RNF13: variants seen among roughly 807,000 people sequenced by gnomAD.
RNF13 encodes ring finger protein 13.
In RNF13, 19 loss-of-function variants were observed where a neutral mutation model predicts 37.7. The ratio of observed to expected loss-of-function variants is 0.50; its 90% CI spans 0.35 to 0.74. The LOEUF is 0.74. Ranked by LOEUF, RNF13 falls within the 30% of genes least tolerant of loss-of-function variation. The pLI is 0.01. For missense variants in RNF13, 375 were observed against 453.0 expected (o/e 0.83, Z 1.56); for synonymous variants, 144 against 157.8 (o/e 0.91, Z 0.65).
chr3:149,881,790 T>C (rs1713441394), intron 4 of RNF13, among the ~76,000 whole-genome samples: 1 of 152,218 alleles, frequency 6.6e-6, no homozygotes, highest in African/African-American at 2.4e-5. Flanking sequence ...AGCTTACCTC[T>C]AAGCTTAACA....
At chr3:149,902,012 A>AAGTT (rs201293440) in intron 5 of RNF13, 60 bp from the exon 6 acceptor site, 19,090 of 701,146 alleles carry the variant, frequency 0.027, 337 homozygotes, top group South Asian at 0.033. Flanking sequence ...ATTATGAAGA[A>AAGTT]AAGTTGATTA....
intron 7 of RNF13, among the ~76,000 whole-genome samples, 200 bp downstream of exon 7, chr3:149,912,283 TAG>T (rs1717074181): frequency 6.6e-6 from 1 of 152,086 alleles, no homozygotes; most frequent in African/African-American, 2.4e-5. Context: ...CGCGGGGGGT[TAG>T]AGAGAAGTGA....
rs79578027 is a variant in RNF13, at chr3:149,901,386, C to T, written c.410-686C>T. ...AACATTAAGAGGATTGTTTTTCTTT[C>T]TATTCCTGAGTAATGGGTAATTTTG... On this transcript the variant is annotated intron_variant, in intron 5 of 9. Coordinates refer to ENST00000392894, the MANE Select transcript of RNF13 (RefSeq NM_183381.3). 5.8e-3 allele frequency among the ~76,000 whole-genome samples: 878 copies of T among 152,230 alleles called. 3 individuals are homozygous for T. Among genetic ancestry groups the T allele is most frequent in the Non-Finnish European group, 0.01 (684 of 68,002 alleles).
intron 8 of RNF13, among the ~76,000 whole-genome samples, chr3:149,936,301 T>C (rs1444010114): frequency 2.6e-5 from 4 of 152,122 alleles, no homozygotes; most frequent in African/African-American, 7.2e-5. Context: ...TTTTCTGTTA[T>C]TATTTCTTTG....
intron 3 of RNF13, among the ~76,000 whole-genome samples, chr3:149,867,514 C>T (rs1425532568): frequency 1.3e-5 from 2 of 150,482 alleles, no homozygotes; most frequent in Non-Finnish European, 1.5e-5. Flanking sequence ...ATCCACCTGC[C>T]TCGGCCTCCC....
chr3:149,840,238 G>A (rs545579241), intron 1 of RNF13, among the ~76,000 whole-genome samples: 1 of 152,254 alleles, frequency 6.6e-6, no homozygotes, highest in African/African-American at 2.4e-5. Flanking sequence ...CAAATGGTAG[G>A]CCAAATTAGA....
chr3:149,960,209 A>G (rs1722251866), intron 9 of RNF13, 73 bp downstream of exon 9: 1 of 1,058,018 alleles, frequency 9.5e-7, no homozygotes, highest in Non-Finnish European at 1.5e-6. Flanking sequence ...CCAGGGGAAG[A>G]GATGGAAAAT....
At chr3:149,862,424 G>A (rs1724353395) in intron 3 of RNF13, among the ~76,000 whole-genome samples, 1 of 151,870 alleles carries the variant, frequency 6.6e-6, no homozygotes. Flanking sequence ...GCTCCTTATA[G>A]ATGATCATTA....
chr3:149,895,561 G>A lies in RNF13; in HGVS notation c.409+1G>A, dbSNP rs1715168123. ...CTCATTAGCATGGGATCCAACGACA[G>A]TAAGTACAGGTATCACTTTTCTTCT... On this transcript the variant is annotated splice_donor_variant, in intron 5 of 9. Coordinates refer to ENST00000392894, the MANE Select transcript of RNF13 (RefSeq NM_183381.3). LOFTEE classifies it high-confidence loss of function. The A allele has an allele frequency of 1.3e-6, 2 of 1,549,016 alleles. No individual in the cohort carries two copies. Among genetic ancestry groups the A allele is most frequent in the South Asian group, 2.3e-5 (2 of 86,900 alleles).
rs376412763 is a variant in RNF13 at position 149,957,635 on chromosome 3, A to C, written c.701-2421A>C. On this transcript the variant is annotated intron_variant, in intron 8 of 9. Coordinates refer to ENST00000392894, the MANE Select transcript of RNF13 (RefSeq NM_183381.3). Reference sequence around the variant, plus strand: ...ATAGCCTCCTAGCCAGTCTTCTACCATGTGATAAGTAAGTATGCCTATCGG... The same window carrying C: ...ATAGCCTCCTAGCCAGTCTTCTACCCTGTGATAAGTAAGTATGCCTATCGG... Among the ~76,000 whole-genome samples, 4 of 152,214 alleles carry C rather than the reference A, an allele frequency of 2.6e-5. No individual in the cohort carries two copies. In the East Asian group the frequency reaches 5.8e-4, roughly 22 times the overall value.
chr3:149,853,485 A>AGAGAGC (rs1343827082), intron 3 of RNF13, among the ~76,000 whole-genome samples: 1 of 151,552 alleles, frequency 6.6e-6, no homozygotes, highest in African/African-American at 2.4e-5. Context: ...AGAGAGAGAG[A>AGAGAGC]GAGAGAGAGA....
chr3:149,858,887 T>C (rs1723930880), intron 3 of RNF13, among the ~76,000 whole-genome samples: 2 of 152,212 alleles, frequency 1.3e-5, no homozygotes, highest in African/African-American at 2.4e-5. Context: ...AAAATTCTTA[T>C]TACAGGAAAT....
intron 1 of RNF13, among the ~76,000 whole-genome samples, chr3:149,820,216 CT>C (rs796739963): frequency 1.7e-4 from 25 of 147,084 alleles, no homozygotes; most frequent in South Asian, 2.2e-4. Context: ...TTCTTTCTTT[CT>C]TTTTTTTTTG....
chr3:149,916,750 C>G (rs1462127442), intron 7 of RNF13, among the ~76,000 whole-genome samples: 1 of 152,032 alleles, frequency 6.6e-6, no homozygotes, highest in Non-Finnish European at 1.5e-5. Flanking sequence ...TAACCTTATA[C>G]AGATAAAAAA....
intron 2 of RNF13, 24 bp downstream of exon 2, chr3:149,846,164 T>C (rs778919139): frequency 1.4e-6 from 2 of 1,435,768 alleles, no homozygotes; most frequent in South Asian, 1.2e-5. Context: ...AATTTATTCA[T>C]GTCTAGAAAC....
At chr3:149,888,199 G>A (rs1159247707) in intron 4 of RNF13, among the ~76,000 whole-genome samples, 2 of 152,210 alleles carry the variant, frequency 1.3e-5, no homozygotes, top group East Asian at 3.9e-4. Context: ...ACTTGTCACT[G>A]AAATTTTCCT....
At chr3:149,914,214 T>G (rs1240095160) in intron 7 of RNF13, among the ~76,000 whole-genome samples, 2 of 152,140 alleles carry the variant, frequency 1.3e-5, no homozygotes, top group Non-Finnish European at 2.9e-5. Flanking sequence ...ACTTCTTGAC[T>G]ACTATCTTGT....
At chr3:149,882,724 A>G (rs1422337872) in intron 4 of RNF13, among the ~76,000 whole-genome samples, 2 of 152,218 alleles carry the variant, frequency 1.3e-5, no homozygotes, top group South Asian at 2.1e-4. Context: ...ATTTGAGACC[A>G]TGATGAAATT....
intron 6 of RNF13, among the ~76,000 whole-genome samples, chr3:149,904,901 G>C (rs559620462): frequency 1.2e-4 from 19 of 152,168 alleles, no homozygotes; most frequent in Admixed American, 7.8e-4. Context: ...CTTTTGACTT[G>C]ATTGTTTATC....
Sources: gnomAD v4.1 joint callset for allele counts (sites outside exome capture counted in the v4.1 genomes callset) on GRCh38, gnomAD v4.1.1 for gene constraint, MANE v1.5 for transcripts, NCBI Gene and HGNC (gene_info 2026-07-23, HGNC 2026-07-21) for gene names.